The following SH3D19 variants were observed in gnomAD, a reference collection of about 807,000 sequenced individuals.
The protein encoded by SH3D19 is SH3 domain-containing protein 19.
SH3D19 carries 58 observed loss-of-function variants against 112.1 expected under a neutral mutation model. The ratio of observed to expected loss-of-function variants is 0.52; its 90% confidence interval spans 0.42 to 0.64. The LOEUF is 0.64. Among genes scored for constraint, SH3D19 ranks in the 30% least tolerant of loss-of-function variants. SH3D19 has a pLI of 0.00. For synonymous variants in SH3D19, 391 were observed against 448.5 expected, an observed-to-expected ratio of 0.87 and a Z score of 1.62; for missense variants, 1,090 against 1,263.4, an observed-to-expected ratio of 0.86 and a Z score of 2.08.
At chr4:151,166,520 C>T (rs1490703630) in intron 7 of SH3D19, among the ~76,000 whole-genome samples, 1 of 149,630 alleles carries the variant, frequency 6.7e-6, no homozygotes, top group Admixed American at 6.7e-5. Context: ...GGGAAATCTA[C>T]AAGTAAAAAT....
rs921491475 is a variant in SH3D19, at chr4:151,144,423, G to A, written c.2083-373C>T. 29 of 730,028 alleles carry A rather than the reference G, an allele frequency of 4.0e-5. No homozygotes were observed. The East Asian group carries it at 4.6e-4, about 12-fold the overall frequency. The allele number at this position is 730,028 out of a possible 1,614,324, so 45.2% of individuals were successfully genotyped here. A position where few individuals can be genotyped will look rare whatever the true frequency, so the allele number is the denominator to read the frequency against. ...AGCTAAACTCACCTGGCTTCATCGC[G>A]CTCTAGATCAATGGAGCCTGCCATT... On this transcript the variant is annotated intron_variant, in intron 11 of 19. Transcript: ENST00000604030.
intron 11 of SH3D19, chr4:151,144,316 T>C: frequency 6.3e-7 from 1 of 1,599,996 alleles, no homozygotes; most frequent in Non-Finnish European, 8.6e-7. Context: ...AAAAGGCTTA[T>C]TCACAATCAA....
Position 151,258,774 on chromosome 4 carries a change from C to A in SH3D19, c.113-32688G>T, listed in dbSNP as rs567495946. ...GAGGAGGGGGTGAAGCAGAGGAGTC[C>A]ATCTAGGAGGAGATGGTTCTGCTCC... On this transcript the variant is annotated intron_variant, in intron 1 of 19. Transcript: ENST00000604030. Among the ~76,000 whole-genome samples, 16 of 152,250 alleles carry A rather than the reference C, an allele frequency of 1.1e-4. No individual in the cohort carries two copies. The South Asian group carries it at 3.3e-3, about 32-fold the overall frequency.
At chr4:151,161,600 T>C (rs1379858559) in intron 8 of SH3D19, among the ~76,000 whole-genome samples, 1 of 150,022 alleles carries the variant, frequency 6.7e-6, no homozygotes, top group Non-Finnish European at 1.5e-5. Context: ...TCCTCCTCAC[T>C]TTGTTTTTGT....
chr4:151,304,065 A>C (rs1382520365), intron 1 of SH3D19, among the ~76,000 whole-genome samples: 1 of 151,238 alleles, frequency 6.6e-6, no homozygotes, highest in South Asian at 2.1e-4. Flanking sequence ...CAATCTTCCC[A>C]CTTAAGTATC....
At chr4:151,146,606 C>G (rs1381945254) in intron 11 of SH3D19, among the ~76,000 whole-genome samples, 2 of 152,222 alleles carry the variant, frequency 1.3e-5, no homozygotes, top group African/African-American at 4.8e-5. Context: ...AATCTCGGCT[C>G]ACTGCAACCT....
intron 17 of SH3D19, among the ~76,000 whole-genome samples, chr4:151,129,607 C>T (rs1750178101): frequency 1.3e-5 from 2 of 152,132 alleles, no homozygotes; most frequent in South Asian, 2.1e-4. Context: ...TGGCCTGAAG[C>T]GATCCACCTG....
chr4:151,301,441 C>T (rs1347520367), intron 1 of SH3D19, among the ~76,000 whole-genome samples: 1 of 152,110 alleles, frequency 6.6e-6, no homozygotes, highest in Non-Finnish European at 1.5e-5. Context: ...TGGTCAGGCT[C>T]ATCACCAACT....
intron 3 of SH3D19, among the ~76,000 whole-genome samples, chr4:151,184,590 TCTCTCTGCTAGGGCC>T (rs1265279886): frequency 7.7e-6 from 1 of 130,128 alleles, no homozygotes; most frequent in African/African-American, 2.5e-5. Context: ...TCCTCCTTCC[TCTCTCTGCTAGGGCC>T]CTGTTTCACC....
intron 1 of SH3D19, among the ~76,000 whole-genome samples, chr4:151,303,147 T>G (rs1728618420): frequency 6.6e-6 from 1 of 152,240 alleles, no homozygotes; most frequent in African/African-American, 2.4e-5. Context: ...GTTTTGATTA[T>G]GTTAAACAGC....
chr4:151,181,119 A>C (rs911952617), intron 3 of SH3D19, among the ~76,000 whole-genome samples: 1 of 152,132 alleles, frequency 6.6e-6, no homozygotes, highest in African/African-American at 2.4e-5. Flanking sequence ...CTTTGGGGAA[A>C]AAAATCTTCT....
rs141925147 is a variant in SH3D19, at chr4:151,298,929, T to C, written c.112+26312A>G. ...ACTTATCAAAACAAAAAACAAAATG[T>C]CACAGAAATACCTTACATAAAAAGT... On this transcript the variant is annotated intron_variant, in intron 1 of 19. Transcript: ENST00000604030. Among the ~76,000 whole-genome samples the C allele has an allele frequency of 2.4e-3, 358 of 152,284 alleles. 2 individuals are homozygous for C. The highest frequency in any genetic ancestry group is 0.01 in the Middle Eastern group (3 of 294).
At chr4:151,185,488 C>T (rs1446450850) in intron 3 of SH3D19, among the ~76,000 whole-genome samples, 1 of 152,132 alleles carries the variant, frequency 6.6e-6, no homozygotes, top group Non-Finnish European at 1.5e-5. Flanking sequence ...GTTCTAGATC[C>T]TAATTTTGTA....
chr4:151,227,611 C>T lies in SH3D19; in HGVS notation c.113-1525G>A, dbSNP rs148146196. 1.8e-4 allele frequency: 54 copies of T among 303,292 alleles called. No individual in the cohort carries two copies. The East Asian group carries it at 6.7e-3, about 38-fold the overall frequency. 18.8% of individuals were successfully genotyped at this position (303,292 alleles called of 1,614,324 possible). ...TATTAAGATTTTAAAGTCATAGTAA[C>T]GCAGGGCACATTTAAATCATTTCTC... is the stretch of plus-strand genomic sequence containing the variant. On this transcript the variant is annotated intron_variant, in intron 1 of 19. Coordinates refer to ENST00000604030, the MANE Select transcript of SH3D19 (RefSeq NM_001378122.1).
intron 1 of SH3D19, chr4:151,282,286 G>A: frequency 6.2e-7 from 1 of 1,613,952 alleles, no homozygotes; most frequent in Non-Finnish European, 8.5e-7. Flanking sequence ...TCGCCTTGTT[G>A]AAACTGTCCT....
At chr4:151,241,036 A>G (rs1472022512) in intron 1 of SH3D19, among the ~76,000 whole-genome samples, 1 of 151,758 alleles carries the variant, frequency 6.6e-6, no homozygotes, top group African/African-American at 2.4e-5. Context: ...TGTAATCCCA[A>G]CACTTTGGGA....
intron 2 of SH3D19, among the ~76,000 whole-genome samples, chr4:151,213,759 A>C (rs1281475116): frequency 6.6e-6 from 1 of 151,690 alleles, no homozygotes. Context: ...AGCTCACTGT[A>C]GCCTCAAACT....
At chr4:151,140,831 G>A (rs1453089792) in intron 12 of SH3D19, 1 of 152,182 alleles carries the variant, frequency 6.6e-6, no homozygotes, top group East Asian at 1.9e-4. Flanking sequence ...CAGGCTGATT[G>A]CAGCGCACTG....
chr4:151,289,788 C>T (rs1461872366), intron 1 of SH3D19, among the ~76,000 whole-genome samples: 1 of 152,104 alleles, frequency 6.6e-6, no homozygotes, highest in Non-Finnish European at 1.5e-5. Context: ...CATACAAAAA[C>T]TTGCACGTGA....
Sources: allele counts gnomAD v4.1 joint callset (sites outside exome capture counted in the v4.1 genomes callset), GRCh38; gene constraint gnomAD v4.1.1; transcripts MANE v1.5; gene names NCBI Gene and HGNC (gene_info 2026-07-23, HGNC 2026-07-21).